Variants in AGTPBP1 observed in about 807,000 individuals in gnomAD.
The protein encoded by AGTPBP1 is cytosolic carboxypeptidase 1.
Under a neutral mutation model 143.9 loss-of-function variants are expected in AGTPBP1, and 70 were observed. The observed-to-expected ratio is 0.49, with a 90% confidence interval of 0.40 to 0.59. The LOEUF (loss-of-function observed/expected upper bound fraction) is 0.59, where lower values mean the gene tolerates loss of function less well. Ranked by LOEUF, AGTPBP1 falls within the 20% of genes least tolerant of loss-of-function variation. AGTPBP1 has a pLI of 0.00. For synonymous variants in AGTPBP1, 463 were observed against 500.2 expected, an observed-to-expected ratio of 0.93 and a Z score of 0.99; for missense variants, 1,229 against 1,464.5, an observed-to-expected ratio of 0.84 and a Z score of 2.62.
chr9:85,650,042 CTTTTTTTTT>C (rs35903806), intron 11 of AGTPBP1, among the ~76,000 whole-genome samples: 1 of 109,238 alleles, frequency 9.2e-6, no homozygotes, highest in South Asian at 2.9e-4. Context: ...CTAAACTTTC[CTTTTTTTTT>C]TTTTTTTTTT....
At position 85,741,915 on chromosome 9, in the gene AGTPBP1, G is replaced by GGCGGCA. The variant is rs1564203761; in HGVS notation, c.-180_-175dup. 16 of 1,326,234 alleles carry GGCGGCA rather than the reference G, an allele frequency of 1.2e-5. No homozygotes were observed. The highest frequency in any genetic ancestry group is 2.8e-4 in the Middle Eastern group (1 of 3,520). The allele number at this position is 1,326,234 out of a possible 1,614,324, so 82.2% of individuals were successfully genotyped here. On this transcript the variant is annotated 5_prime_UTR_variant, in exon 1 of 26. Coordinates refer to ENST00000357081, the MANE Select transcript of AGTPBP1 (RefSeq NM_001330701.2). ...TGGCAGGCGAGGCGGAGGCGGCGGC[G>GGCGGCA]GCGGCAGCTGCGGCGGCGGCGCTGG...
chr9:85,714,882 T>C (rs906173454), intron 1 of AGTPBP1, among the ~76,000 whole-genome samples: 3 of 152,186 alleles, frequency 2.0e-5, no homozygotes, highest in Admixed American at 6.6e-5. Context: ...TGTGTATATA[T>C]GATCAGAATA....
At chr9:85,613,025 T>A (rs948435676) in intron 17 of AGTPBP1, among the ~76,000 whole-genome samples, 2 of 151,936 alleles carry the variant, frequency 1.3e-5, no homozygotes, top group African/African-American at 4.8e-5. Context: ...AAATTCCACA[T>A]CAGTGAACAA....
At chr9:85,762,167 TTGG>T in the AGTPBP1 span, among the ~76,000 whole-genome samples, 3 of 152,140 alleles carry the variant, frequency 2.0e-5, no homozygotes, top group Non-Finnish European at 4.4e-5. Flanking sequence ...TTTTACACTG[TTGG>T]TGGGACTGTA....
chr9:85,757,222 A>T, the AGTPBP1 span, among the ~76,000 whole-genome samples: 1 of 152,106 alleles, frequency 6.6e-6, no homozygotes, highest in Non-Finnish European at 1.5e-5. Context: ...ACACACCACC[A>T]TGCCCAGCTA....
chr9:85,695,785 G>A, intron 2 of AGTPBP1, among the ~76,000 whole-genome samples: 1 of 151,678 alleles, frequency 6.6e-6, no homozygotes, highest in East Asian at 1.9e-4. Flanking sequence ...GAAAACGATG[G>A]ACAAACAATG....
chr9:85,553,944 C>T (rs1826179780), intron 25 of AGTPBP1: 1 of 152,160 alleles, frequency 6.6e-6, no homozygotes, highest in Non-Finnish European at 1.5e-5. Flanking sequence ...TGTCTCTGAT[C>T]ATTCTCAGTA....
intron 1 of AGTPBP1, 49 bp from the exon 2 acceptor site, chr9:85,712,615 A>G: frequency 2.3e-6 from 2 of 886,996 alleles, no homozygotes; most frequent in East Asian, 2.9e-5. Context: ...TCTTTTTTCT[A>G]TATATTAGAT....
In AGTPBP1 at chr9:85,741,948, G is replaced by T; in HGVS notation, c.-207C>A. ...CTGCGGCGGCGGCGCTGGAGGCGGCGGAACCTGTCCGCATCCCGGGCAACG... is the reference window on the plus strand; with the variant it reads ...CTGCGGCGGCGGCGCTGGAGGCGGCTGAACCTGTCCGCATCCCGGGCAACG... On this transcript the variant is annotated 5_prime_UTR_variant, in exon 1 of 26. Transcript: ENST00000357081. 3 of 1,285,416 alleles carry T rather than the reference G, an allele frequency of 2.3e-6. No homozygotes were observed. The highest frequency in any genetic ancestry group is 1.6e-5 in the African/African-American group (1 of 64,440). 79.6% of individuals were successfully genotyped at this position (1,285,416 alleles called of 1,614,324 possible). A position where few individuals can be genotyped will look rare whatever the true frequency, so the allele number is the denominator to read the frequency against.
the AGTPBP1 span, among the ~76,000 whole-genome samples, chr9:85,775,635 A>G: frequency 6.6e-6 from 1 of 150,800 alleles, no homozygotes; most frequent in Non-Finnish European, 1.5e-5. Flanking sequence ...ATTGACTTAC[A>G]TGATCACAAG....
At chr9:85,708,976 C>G (rs1265177258) in intron 2 of AGTPBP1, among the ~76,000 whole-genome samples, 1 of 152,170 alleles carries the variant, frequency 6.6e-6, no homozygotes, top group East Asian at 1.9e-4. Context: ...GGAAATACTT[C>G]CTGATTCCAA....
chr9:85,627,759 C>T (rs1292417054), intron 14 of AGTPBP1, among the ~76,000 whole-genome samples: 1 of 152,208 alleles, frequency 6.6e-6, no homozygotes, highest in African/African-American at 2.4e-5. Context: ...TGATCTACCT[C>T]CACTTAATGA....
At chr9:85,614,191 T>C (rs950403538) in intron 17 of AGTPBP1, among the ~76,000 whole-genome samples, 2 of 152,014 alleles carry the variant, frequency 1.3e-5, no homozygotes, top group African/African-American at 2.4e-5. Flanking sequence ...AATTTAAACA[T>C]TGTTAAAATT....
At chr9:85,788,211 G>A in the AGTPBP1 span, among the ~76,000 whole-genome samples, 5 of 151,682 alleles carry the variant, frequency 3.3e-5, no homozygotes, top group Admixed American at 6.6e-5. Flanking sequence ...TTCAAAAAAC[G>A]AATTTACAAA....
At position 85,632,779 on chromosome 9, in the gene AGTPBP1, A is replaced by G; in HGVS notation, c.1898T>C (p.Ile633Thr). The G allele has an allele frequency of 6.2e-7, 1 of 1,614,158 alleles. No individual in the cohort carries two copies. ...TLHDPDLYIE[I>T]VKNTKSVPEY... ...TGGGACAGACTTCGTATTTTTCACAATCTCAATATAGAGGTCTGGGTCATG... is the reference window on the plus strand; with the variant it reads ...TGGGACAGACTTCGTATTTTTCACAGTCTCAATATAGAGGTCTGGGTCATG... The change falls in exon 14 of 26, where the codon ATT (isoleucine) becomes ACT (threonine). Residue 633 changes from isoleucine (I) to threonine (T), a missense_variant. Around this residue, in one of 2 missense-constraint regions of AGTPBP1, gnomAD observed 743 missense variants for 812.2 expected, o/e 0.91. Coordinates refer to ENST00000357081, the MANE Select transcript of AGTPBP1 (RefSeq NM_001330701.2).
At chr9:85,583,359 C>T (rs111668652) in intron 23 of AGTPBP1, among the ~76,000 whole-genome samples, 9 of 152,054 alleles carry the variant, frequency 5.9e-5, no homozygotes, top group East Asian at 1.9e-4. Flanking sequence ...CACCCACATG[C>T]GCACCTGCCC....
At chr9:85,657,751 T>C in intron 9 of AGTPBP1, 108 bp from the exon 10 acceptor site, 1 of 687,538 alleles carries the variant, frequency 1.5e-6, no homozygotes, top group South Asian at 2.9e-5. Context: ...TACTTATAAT[T>C]CTTTTTTCCA....
At chr9:85,691,127 G>A (rs1049191363) in intron 3 of AGTPBP1, among the ~76,000 whole-genome samples, 16 of 152,060 alleles carry the variant, frequency 1.1e-4, no homozygotes, top group Non-Finnish European at 8.8e-5. Flanking sequence ...CTGATATAAC[G>A]AACACCCTTG....
the AGTPBP1 span, among the ~76,000 whole-genome samples, chr9:85,790,549 A>G: frequency 0.014 from 2,062 of 152,286 alleles, 26 homozygotes; most frequent in Admixed American, 0.018. Context: ...GAACAAAGGA[A>G]ATTATGAAAA....
Sources: gnomAD v4.1 joint callset for allele counts (sites outside exome capture counted in the v4.1 genomes callset) on GRCh38, gnomAD v4.1.1 for gene constraint, gnomAD v4.1.1 regional missense constraint, MANE v1.5 for transcripts, NCBI Gene and HGNC (gene_info 2026-07-23, HGNC 2026-07-21) for gene names.